Variants in CNTNAP3B observed in about 807,000 individuals in gnomAD.
CNTNAP3B encodes the protein contactin associated protein family member 3B, also known as contactin-associated protein-like 3B.
In CNTNAP3B, 25 loss-of-function variants were observed where a neutral mutation model predicts 108.9. The observed-to-expected ratio is 0.23, with a 90% CI of 0.17 to 0.32. The LOEUF (loss-of-function observed/expected upper bound fraction) is 0.32, where lower values mean the gene tolerates loss of function less well. CNTNAP3B is among the 10% of genes least tolerant of loss of function. CNTNAP3B has a pLI of 1.00. For synonymous variants in CNTNAP3B, 103 were observed against 473.4 expected (o/e 0.22, Z 10.16); for missense variants, 252 against 1,210.4 (o/e 0.21, Z 11.75).
At position 42,118,752 on chromosome 9, in the gene CNTNAP3B, G is replaced by A. The variant is rs1234803154; in HGVS notation, c.85+10258C>T. 3.1e-4 allele frequency among the ~76,000 whole-genome samples: 36 copies of A among 114,476 alleles called. No individual in the cohort carries two copies. In the South Asian group the frequency reaches 3.4e-3, roughly 11 times the overall value. 75.1% of individuals were successfully genotyped at this position (114,476 alleles called of 152,430 possible). On this transcript the variant is annotated intron_variant, in intron 1 of 23. Transcript: ENST00000377561. The stretch of plus-strand genomic sequence containing the variant: ...AGTCAAATTGTCCCTGTTTGCAGAT[G>A]ACATGATTGTGTATTTAGAAAACCC...
At chr9:42,041,500 C>T (rs1350591429) in intron 3 of CNTNAP3B, among the ~76,000 whole-genome samples, 1 of 147,380 alleles carries the variant, frequency 6.8e-6, no homozygotes. Flanking sequence ...CCCATCATCA[C>T]TGGCCATCAG....
rs1395531113 is a variant in CNTNAP3B, at chr9:42,049,485, TC to T, written c.390+27383del. Among the ~76,000 whole-genome samples the T allele has an allele frequency of 2.2e-5, 3 of 133,906 alleles. 1 individual carries two copies. Among genetic ancestry groups the T allele is most frequent in the Non-Finnish European group, 4.7e-5 (3 of 63,388 alleles). The allele number at this position is 133,906 out of a possible 152,430, so 87.8% of individuals were successfully genotyped here. A position where few individuals can be genotyped will look rare whatever the true frequency, so the allele number is the denominator to read the frequency against. On this transcript the variant is annotated intron_variant, in intron 3 of 23. Transcript: ENST00000377561. Reference sequence around the variant, plus strand: ...AGATGCTAATTCTAGGTCAGTCTTCTCAGTTGCCTTCACAGGTTCTGCAAAC... The same window carrying T: ...AGATGCTAATTCTAGGTCAGTCTTCTAGTTGCCTTCACAGGTTCTGCAAAC...
intron 18 of CNTNAP3B, among the ~76,000 whole-genome samples, chr9:41,916,885 C>T (rs1223047304): frequency 4.0e-5 from 6 of 149,510 alleles, no homozygotes; most frequent in East Asian, 3.9e-4. Context: ...GTCCTTTGGC[C>T]TCCATTCTTT....
At chr9:42,115,256 C>A (rs1161399439) in intron 1 of CNTNAP3B, among the ~76,000 whole-genome samples, 1 of 135,404 alleles carries the variant, frequency 7.4e-6, no homozygotes, top group Non-Finnish European at 1.6e-5. Context: ...ATAGACAGGT[C>A]CGGATCCAAG....
chr9:42,029,747 T>C, intron 3 of CNTNAP3B, among the ~76,000 whole-genome samples: 1 of 114,448 alleles, frequency 8.7e-6, no homozygotes, highest in Non-Finnish European at 1.8e-5. Flanking sequence ...GCCAGGCTGG[T>C]CTTGAACTCC....
intron 3 of CNTNAP3B, among the ~76,000 whole-genome samples, chr9:42,056,001 G>A (rs1257608339): frequency 9.0e-6 from 1 of 111,264 alleles, no homozygotes; most frequent in African/African-American, 3.6e-5. Flanking sequence ...TATATACAAA[G>A]CACAAAGAAT....
chr9:41,941,769 TAA>T (rs1824351024), intron 13 of CNTNAP3B, among the ~76,000 whole-genome samples: 1 of 149,602 alleles, frequency 6.7e-6, no homozygotes, highest in Admixed American at 6.7e-5. Flanking sequence ...TGTAACTGAC[TAA>T]TTGATGGATA....
intron 2 of CNTNAP3B, among the ~76,000 whole-genome samples, chr9:42,098,052 AT>A (rs1182900075): frequency 2.2e-5 from 3 of 138,568 alleles, no homozygotes; most frequent in African/African-American, 5.7e-5. Context: ...TATCTCTAAG[AT>A]TTTTTTCCAC....
At chr9:42,018,832 C>G (rs1458579520) in intron 3 of CNTNAP3B, among the ~76,000 whole-genome samples, 3 of 151,876 alleles carry the variant, frequency 2.0e-5, no homozygotes, top group South Asian at 2.1e-4. Flanking sequence ...GCGGAGCCTT[C>G]CCCTCTGAAC....
chr9:41,966,545 G>A (rs1825280654), intron 10 of CNTNAP3B, among the ~76,000 whole-genome samples: 1 of 152,148 alleles, frequency 6.6e-6, no homozygotes, highest in Non-Finnish European at 1.5e-5. Flanking sequence ...GGAGGTGACA[G>A]AGGCCTCCCT....
intron 1 of CNTNAP3B, among the ~76,000 whole-genome samples, chr9:42,110,140 A>C (rs1479288949): frequency 9.8e-6 from 1 of 101,656 alleles, no homozygotes; most frequent in Admixed American, 9.9e-5. Context: ...CACAAGGGCC[A>C]TAGGAAATGA....
At chr9:41,967,886 A>G (rs1312969645) in intron 10 of CNTNAP3B, among the ~76,000 whole-genome samples, 1 of 152,282 alleles carries the variant, frequency 6.6e-6, no homozygotes, top group Non-Finnish European at 1.5e-5. Context: ...ATTATTGTAC[A>G]CATCATGGCT....
chr9:41,966,738 C>T (rs1331350029), intron 10 of CNTNAP3B, among the ~76,000 whole-genome samples: 7 of 152,178 alleles, frequency 4.6e-5, no homozygotes, highest in South Asian at 2.1e-4. Context: ...GAGGCTGACG[C>T]GGGTGGATCA....
chr9:41,953,542 T>C (rs1824764221), intron 12 of CNTNAP3B, among the ~76,000 whole-genome samples, 156 bp from the exon 13 acceptor site: 1 of 151,630 alleles, frequency 6.6e-6, no homozygotes, highest in African/African-American at 2.4e-5. Flanking sequence ...AACAATGTAC[T>C]GAGCCAGAAC....
chr9:41,958,336 G>A (rs1441474508), intron 12 of CNTNAP3B, among the ~76,000 whole-genome samples: 1 of 152,302 alleles, frequency 6.6e-6, no homozygotes, highest in Non-Finnish European at 1.5e-5. Flanking sequence ...TTGCAGAGGT[G>A]GGGGTCTCAC....
rs1374800122 is a variant in CNTNAP3B, at chr9:42,115,027, C to T, written c.86-10288G>A. Among the ~76,000 whole-genome samples, 14 of 135,812 alleles carry T rather than the reference C, an allele frequency of 1.0e-4. 3 individuals are homozygous for T. Among genetic ancestry groups the T allele is most frequent in the African/African-American group, 3.9e-4 (13 of 33,698 alleles). 89.1% of individuals were successfully genotyped at this position (135,812 alleles called of 152,430 possible). A position where few individuals can be genotyped will look rare whatever the true frequency, so the allele number is the denominator to read the frequency against. On this transcript the variant is annotated intron_variant, in intron 1 of 23. Coordinates refer to ENST00000377561, the MANE Select transcript of CNTNAP3B (RefSeq NM_001201380.3). Reference sequence around the variant, plus strand: ...CAAGATTGTGCCACTGCTCTCCAGCCTAGGTGACAGAGCAAGACTCCATAT... The same window carrying T: ...CAAGATTGTGCCACTGCTCTCCAGCTTAGGTGACAGAGCAAGACTCCATAT...
At chr9:41,959,358 C>A (rs1475636861) in intron 12 of CNTNAP3B, among the ~76,000 whole-genome samples, 2 of 152,140 alleles carry the variant, frequency 1.3e-5, no homozygotes, top group African/African-American at 2.4e-5. Context: ...TAGAGCAATG[C>A]GGCATCTAAA....
intron 11 of CNTNAP3B, among the ~76,000 whole-genome samples, chr9:41,961,581 C>A (rs1223292263): frequency 2.0e-5 from 3 of 152,294 alleles, no homozygotes; most frequent in Admixed American, 1.3e-4. Flanking sequence ...TTAAGCTATG[C>A]GGCAGTTATA....
chr9:41,977,837 T>A (rs1825550833), intron 9 of CNTNAP3B, among the ~76,000 whole-genome samples: 3 of 139,956 alleles, frequency 2.1e-5, no homozygotes, highest in Admixed American at 2.1e-4. Flanking sequence ...TTCACCGTGT[T>A]AGCCAGGATG....
Sources: allele counts gnomAD v4.1 joint callset (sites outside exome capture counted in the v4.1 genomes callset), GRCh38; gene constraint gnomAD v4.1.1; transcripts MANE v1.5; gene names NCBI Gene and HGNC (gene_info 2026-07-23, HGNC 2026-07-21).